The following ERCC6 variants were observed in gnomAD, a reference collection of about 807,000 sequenced individuals.
ERCC6 encodes ERCC excision repair 6, chromatin remodeling factor.
ERCC6 carries 116 observed loss-of-function variants against 158.7 expected under a neutral mutation model. The ratio of observed to expected loss-of-function variants is 0.73; its 90% confidence interval spans 0.63 to 0.85. ERCC6 has a LOEUF of 0.85. Ranked by LOEUF, ERCC6 falls within the 40% of genes least tolerant of loss-of-function variation. ERCC6 has a pLI of 0.00. For missense variants in ERCC6, 1,698 were observed against 1,799.4 expected, an observed-to-expected ratio of 0.94 and a Z score of 1.02; for synonymous variants, 678 against 659.3, an observed-to-expected ratio of 1.03 and a Z score of -0.43.
intron 10 of ERCC6, among the ~76,000 whole-genome samples, chr10:49,479,696 C>T (rs1850942690): frequency 6.6e-6 from 1 of 152,188 alleles, no homozygotes; most frequent in African/African-American, 2.4e-5. Flanking sequence ...CCTCCACCCA[C>T]ACCCCCTTCC....
intron 4 of ERCC6, among the ~76,000 whole-genome samples, chr10:49,527,695 T>G (rs1837373200): frequency 6.6e-6 from 1 of 152,228 alleles, no homozygotes; most frequent in Non-Finnish European, 1.5e-5. Flanking sequence ...ACATATTTTT[T>G]TCTATTGCTT....
Position 49,524,154 on chromosome 10 carries a change from A to C in ERCC6, c.1276T>G (p.Phe426Val), listed in dbSNP as rs1439096540. Residue 426 changes from phenylalanine to valine, a missense_variant, in exon 5 of 21, where the codon TTT becomes GTT. By Grantham distance (50) the Phe-to-Val change is conservative (BLOSUM62 -1). Coordinates refer to ENST00000355832, the MANE Select transcript of ERCC6 (RefSeq NM_000124.4). ...KVPVQEIDDDFFPSSGEEAEA... is the reference protein window; with the variant it reads ...KVPVQEIDDDVFPSSGEEAEA... Reference sequence around the variant, plus strand: ...GCTTCTTCCCCAGAACTTGGGAAAAAGTCATCATCAATCTCCTGCACTGGC... The same window carrying C: ...GCTTCTTCCCCAGAACTTGGGAAAACGTCATCATCAATCTCCTGCACTGGC... 2.5e-6 allele frequency: 4 copies of C among 1,613,884 alleles called. No homozygotes were observed. The South Asian group carries it at 3.3e-5, about 13-fold the overall frequency.
At chr10:49,506,828 AATTCT>A (rs757487575) in intron 5 of ERCC6, among the ~76,000 whole-genome samples, 8 of 152,180 alleles carry the variant, frequency 5.3e-5, no homozygotes, top group African/African-American at 9.6e-5. Flanking sequence ...AAAAGCCTCA[AATTCT>A]ATTCACTTTC....
chr10:49,467,437 G>A (rs916189793), intron 18 of ERCC6, among the ~76,000 whole-genome samples: 4 of 151,962 alleles, frequency 2.6e-5, no homozygotes, highest in Non-Finnish European at 4.4e-5. Flanking sequence ...GTGGTATCTC[G>A]TTATGGTTCT....
chr10:49,506,667 CTT>C (rs1279236661), intron 5 of ERCC6, among the ~76,000 whole-genome samples: 1 of 152,014 alleles, frequency 6.6e-6, no homozygotes, highest in Non-Finnish European at 1.5e-5. Flanking sequence ...AAGGTGAACA[CTT>C]ATATTTCAGA....
intron 15 of ERCC6, 99 bp downstream of exon 15, chr10:49,472,810 T>C: frequency 2.8e-6 from 4 of 1,445,740 alleles, no homozygotes; most frequent in East Asian, 2.5e-5. Context: ...GTGAAACGTA[T>C]GCTGAAGCCA....
chr10:49,451,740 A>C (rs1479648749), downstream of ERCC6, among the ~76,000 whole-genome samples: 3 of 152,094 alleles, frequency 2.0e-5, no homozygotes, highest in African/African-American at 7.2e-5. Context: ...AATATCTTTG[A>C]GCAGTTTTGT....
intron 11 of ERCC6, among the ~76,000 whole-genome samples, chr10:49,477,368 T>G (rs1483090046): frequency 2.6e-5 from 4 of 152,002 alleles, no homozygotes; most frequent in African/African-American, 9.7e-5. Context: ...CCACTCATTC[T>G]CCCCAGTACA....
At chr10:49,487,197 C>T (rs1851091983) in intron 8 of ERCC6, among the ~76,000 whole-genome samples, 1 of 152,174 alleles carries the variant, frequency 6.6e-6, no homozygotes. Context: ...AATAAAGAGA[C>T]ATTGTCTTCT....
In ERCC6 at chr10:49,460,599, C is replaced by T; in HGVS notation, c.3984-148G>A. The T allele has an allele frequency of 7.3e-6, 5 of 688,444 alleles. No individual in the cohort carries two copies. The South Asian group carries it at 8.2e-5, about 11-fold the overall frequency. The allele number at this position is 688,444 out of a possible 1,614,324, so 42.6% of individuals were successfully genotyped here. ...AGCCATGCCATTTCTGCTCTATCCC[C>T]CTCGATTCTTCCACTCCACCCTCCT... is the stretch of plus-strand genomic sequence containing the variant. On this transcript the variant is annotated intron_variant, in intron 19 of 20. Coordinates refer to ENST00000355832, the MANE Select transcript of ERCC6 (RefSeq NM_000124.4).
At chr10:49,499,504 C>T (rs1387888221) in intron 7 of ERCC6, among the ~76,000 whole-genome samples, 1 of 152,152 alleles carries the variant, frequency 6.6e-6, no homozygotes, top group Non-Finnish European at 1.5e-5. Context: ...CACACTGACA[C>T]TACTGTAAAG....
downstream of ERCC6, among the ~76,000 whole-genome samples, chr10:49,450,942 G>C (rs908582267): frequency 1.3e-5 from 2 of 151,944 alleles, no homozygotes; most frequent in Admixed American, 6.6e-5. Context: ...CTCCCAAGTA[G>C]CTGGGACTAC....
intron 8 of ERCC6, among the ~76,000 whole-genome samples, chr10:49,488,887 C>A (rs1421797020): frequency 1.2e-4 from 18 of 152,070 alleles, no homozygotes; most frequent in Non-Finnish European, 2.9e-5. Context: ...AGGTTCACGC[C>A]ATTCTCCTGC....
At chr10:49,475,402 G>A (rs924661081) in intron 12 of ERCC6, 1 of 450,946 alleles carries the variant, frequency 2.2e-6, no homozygotes, top group Non-Finnish European at 4.5e-6. Flanking sequence ...TCCCTTTCCT[G>A]GATAGTGTGA....
chr10:49,478,949 C>A (rs886152543), intron 10 of ERCC6, among the ~76,000 whole-genome samples: 2 of 152,144 alleles, frequency 1.3e-5, no homozygotes, highest in African/African-American at 4.8e-5. Flanking sequence ...AGTGATGGAG[C>A]AGCCAGCCAA....
Position 49,474,179 on chromosome 10 carries a change from G to C in ERCC6, c.2446C>G (p.Pro816Ala). 4 of 1,614,068 alleles carry C rather than the reference G, an allele frequency of 2.5e-6. No homozygotes were observed. The highest frequency in any genetic ancestry group is 3.4e-6 in the Non-Finnish European group (4 of 1,180,012). The change falls in exon 13 of 21, where the codon CCC becomes GCC. Residue 816 changes from proline to alanine, a missense_variant. Transcript: ENST00000355832. ...TCAGGAAGACCTTTGAGATTCTTGG[G>C]ACCTCCAGAAAAGAGATCAGGGTGG... ...CNHPDLFSGG[P>A]KNLKGLPDDE...
At chr10:49,445,272 G>A in the ERCC6 span, among the ~76,000 whole-genome samples, 1 of 152,172 alleles carries the variant, frequency 6.6e-6, no homozygotes, top group East Asian at 1.9e-4. Flanking sequence ...TTTAAGTTAG[G>A]AAAAAGACAC....
rs1334509283 is a variant in ERCC6 at position 49,457,115 on chromosome 10, T to C, written c.*1700A>G. ...GAACAAGGAAGACACAATTTCCTTA[T>C]AGGCTAATGATTATAAAAATAGAAA... On this transcript the variant is annotated 3_prime_UTR_variant, in exon 21 of 21. Transcript: ENST00000355832. 1 of 152,212 alleles carries C rather than the reference T, an allele frequency of 6.6e-6. No homozygotes were observed. The highest frequency in any genetic ancestry group is 1.5e-5 in the Non-Finnish European group (1 of 68,038). The allele number at this position is 152,212 out of a possible 1,614,324, so 9.4% of individuals were successfully genotyped here. A position where few individuals can be genotyped will look rare whatever the true frequency, so the allele number is the denominator to read the frequency against.
intron 13 of ERCC6, among the ~76,000 whole-genome samples, 168 bp from the exon 14 acceptor site, chr10:49,473,755 C>T (rs765248544): frequency 6.6e-6 from 1 of 152,168 alleles, no homozygotes; most frequent in Non-Finnish European, 1.5e-5. Context: ...TTGGTATTTC[C>T]GTATGGTTAA....
Sources: gnomAD v4.1 joint callset for allele counts (sites outside exome capture counted in the v4.1 genomes callset) on GRCh38, gnomAD v4.1.1 for gene constraint, MANE v1.5 for transcripts, NCBI Gene and HGNC (gene_info 2026-07-23, HGNC 2026-07-21) for gene names.